Variants in DCDC1 observed in about 807,000 individuals in gnomAD.
DCDC1 encodes the protein doublecortin domain containing 1.
DCDC1 carries 200 observed loss-of-function variants against 178.3 expected under a neutral mutation model. The ratio of observed to expected loss-of-function variants is 1.12; its 90% CI spans 1.00 to 1.26. The LOEUF (loss-of-function observed/expected upper bound fraction) is 1.26, where lower values mean the gene tolerates loss of function less well. Among genes scored for constraint, DCDC1 ranks in the 50% most tolerant of loss-of-function variants. The pLI, the probability that DCDC1 is intolerant of heterozygous loss-of-function variation, is 0.00. For synonymous variants in DCDC1, 690 were observed against 604.8 expected (o/e 1.14, Z -2.07); for missense variants, 1,983 against 1,749.2 (o/e 1.13, Z -2.38).
rs549301538 is a variant in DCDC1 at position 30,916,049 on chromosome 11, G to A, written c.3453-338C>T. Among the ~76,000 whole-genome samples the A allele has an allele frequency of 6.6e-5, 10 of 152,230 alleles. No individual in the cohort carries two copies. The South Asian group carries it at 2.1e-3, about 32-fold the overall frequency. On this transcript the variant is annotated intron_variant, in intron 26 of 38. Coordinates refer to ENST00000684477, the MANE Select transcript of DCDC1 (RefSeq NM_001387274.1). The stretch of plus-strand genomic sequence containing the variant: ...TTTAAAATTAAGTAAGAGAATGGGG[G>A]CAGGGGCATGTAGAATAAAAACAGA...
At chr11:31,322,597 A>C (rs1949425805) in intron 3 of DCDC1, among the ~76,000 whole-genome samples, 1 of 152,234 alleles carries the variant, frequency 6.6e-6, no homozygotes, top group African/African-American at 2.4e-5. Context: ...AAGAGATACA[A>C]GTGATCAAAC....
chr11:30,935,948 T>C (rs540378892), intron 21 of DCDC1, among the ~76,000 whole-genome samples: 16 of 152,314 alleles, frequency 1.1e-4, no homozygotes, highest in African/African-American at 3.8e-4. Flanking sequence ...GGGTCTCTTT[T>C]ACCAGTCCCT....
chr11:30,961,460 A>G (rs1187032476), intron 20 of DCDC1, among the ~76,000 whole-genome samples: 1 of 152,076 alleles, frequency 6.6e-6, no homozygotes, highest in African/African-American at 2.4e-5. Context: ...TCTAACAAAC[A>G]TGAGGGTTAA....
At position 31,094,148 on chromosome 11, in the gene DCDC1, T is replaced by C; in HGVS notation, c.2020A>G (p.Ile674Val). The C allele has an allele frequency of 2.6e-6, 2 of 766,162 alleles. No individual in the cohort carries two copies. The highest frequency in any genetic ancestry group is 1.7e-5 in the African/African-American group (1 of 59,200). The allele number at this position is 766,162 out of a possible 1,614,324, so 47.5% of individuals were successfully genotyped here. The change falls in exon 16 of 39, where the codon ATT becomes GTT. Residue 674 changes from isoleucine (I) to valine (V), a missense_variant. By Grantham distance (29) the Ile-to-Val change is conservative. Transcript: ENST00000684477. ...CTGCCTGAGAAACTCCACTTTCCAA[T>C]GGAAACAGAGGCATGAAGGACAATA... Reference protein sequence around the residue: ...PNIVLHASVSIGKWSFSGSEA... With the variant: ...PNIVLHASVSVGKWSFSGSEA...
At chr11:30,888,060 AAG>A (rs59618526) in intron 36 of DCDC1, among the ~76,000 whole-genome samples, 8,244 of 71,406 alleles carry the variant, frequency 0.12, 552 homozygotes, top group Non-Finnish European at 0.15. Context: ...GAAAGAAAGA[AAG>A]AGAGAGAGAG....
chr11:31,308,321 C>CTTAT (rs1304370975), intron 3 of DCDC1, among the ~76,000 whole-genome samples: 14 of 152,312 alleles, frequency 9.2e-5, no homozygotes, highest in African/African-American at 3.1e-4. Context: ...CTAATACTTA[C>CTTAT]TTAGCACTCT....
chr11:31,139,086 G>A (rs1478111043), intron 9 of DCDC1, among the ~76,000 whole-genome samples: 1 of 151,928 alleles, frequency 6.6e-6, no homozygotes, highest in East Asian at 1.9e-4. Context: ...ATTGTAGCAT[G>A]AAATAGACAC....
At chr11:30,883,698 A>T (rs568782054) in intron 36 of DCDC1, among the ~76,000 whole-genome samples, 26 of 152,288 alleles carry the variant, frequency 1.7e-4, no homozygotes, top group African/African-American at 5.8e-4. Flanking sequence ...AGGGGAAAAG[A>T]TTTTAATATA....
chr11:30,894,150 GA>G, intron 35 of DCDC1, 97 bp downstream of exon 35: 12 of 1,452,322 alleles, frequency 8.3e-6, no homozygotes, highest in Non-Finnish European at 1.1e-5. Flanking sequence ...CAGATGCTGA[GA>G]ATATATTAAC....
intron 34 of DCDC1, 103 bp downstream of exon 34, chr11:30,899,438 T>G: frequency 1.8e-6 from 1 of 550,946 alleles, no homozygotes; most frequent in Non-Finnish European, 2.9e-6. Context: ...TTTTATATAG[T>G]ACTCTTTAAA....
At chr11:30,947,939 C>A (rs1357124388) in intron 21 of DCDC1, among the ~76,000 whole-genome samples, 2 of 152,036 alleles carry the variant, frequency 1.3e-5, no homozygotes, top group African/African-American at 4.8e-5. Context: ...AGAAAACTGG[C>A]ATGAGACAAG....
At chr11:30,977,073 C>T (rs1306724333) in intron 20 of DCDC1, among the ~76,000 whole-genome samples, 1 of 152,008 alleles carries the variant, frequency 6.6e-6, no homozygotes, top group Non-Finnish European at 1.5e-5. Flanking sequence ...TGGAATAAGC[C>T]AGGAACAGAA....
chr11:30,908,863 A>G, intron 29 of DCDC1, 83 bp downstream of exon 29: 1 of 1,308,882 alleles, frequency 7.6e-7, no homozygotes, highest in Non-Finnish European at 1.0e-6. Context: ...AAAGTTTTCT[A>G]GGGAAAAAAA....
At chr11:30,950,481 A>G (rs913009853) in intron 21 of DCDC1, among the ~76,000 whole-genome samples, 7 of 152,218 alleles carry the variant, frequency 4.6e-5, no homozygotes, top group African/African-American at 1.7e-4. Flanking sequence ...ATGAATGGAC[A>G]AAGAAAATGT....
At chr11:30,888,426 G>C (rs114864760) in intron 36 of DCDC1, among the ~76,000 whole-genome samples, 1,632 of 152,276 alleles carry the variant, frequency 0.011, 29 homozygotes, top group African/African-American at 0.038. Flanking sequence ...GACCTTTAAA[G>C]ACAGTCTTAG....
intron 9 of DCDC1, among the ~76,000 whole-genome samples, chr11:31,153,859 G>GCACACACACACA (rs56888014): frequency 5.1e-5 from 7 of 137,920 alleles, no homozygotes; most frequent in African/African-American, 1.6e-4. Flanking sequence ...ACAGTGTCAT[G>GCACACACACACA]CACACACACA....
chr11:31,329,759 A>G (rs940688356), intron 2 of DCDC1, among the ~76,000 whole-genome samples: 10 of 152,202 alleles, frequency 6.6e-5, no homozygotes, highest in Admixed American at 4.6e-4. Context: ...ATAGTATTCC[A>G]TGGTGTACAT....
chr11:31,274,109 T>C (rs1482319256), intron 7 of DCDC1, among the ~76,000 whole-genome samples: 1 of 152,114 alleles, frequency 6.6e-6, no homozygotes, highest in Non-Finnish European at 1.5e-5. Flanking sequence ...GATACAAGAA[T>C]CCACTATTTT....
At chr11:30,979,334 A>G (rs1469694231) in intron 20 of DCDC1, among the ~76,000 whole-genome samples, 2 of 152,192 alleles carry the variant, frequency 1.3e-5, no homozygotes, top group Non-Finnish European at 2.9e-5. Context: ...TCAAGGGCCT[A>G]AATGCCAAAT....
Sources: gnomAD v4.1 joint callset for allele counts (sites outside exome capture counted in the v4.1 genomes callset) on GRCh38, gnomAD v4.1.1 for gene constraint, MANE v1.5 for transcripts, NCBI Gene and HGNC (gene_info 2026-07-23, HGNC 2026-07-21) for gene names.